The following MACROD2 variants were observed in gnomAD, a reference collection of about 807,000 sequenced individuals.
MACROD2 encodes the protein ADP-ribose glycohydrolase MACROD2.
In MACROD2, 36 loss-of-function variants were observed where a neutral mutation model predicts 70.4. The ratio of observed to expected loss-of-function variants is 0.51; its 90% confidence interval spans 0.39 to 0.68. The LOEUF (loss-of-function observed/expected upper bound fraction) is 0.68, where lower values mean the gene tolerates loss of function less well. Ranked by LOEUF, MACROD2 falls within the 30% of genes least tolerant of loss-of-function variation. The pLI, the probability that MACROD2 is intolerant of heterozygous loss-of-function variation, is 0.00. For missense variants in MACROD2, 496 were observed against 538.4 expected (o/e 0.92, Z 0.78); for synonymous variants, 172 against 178.8 (o/e 0.96, Z 0.30).
chr20:14,448,018 A>C (rs1203310215), intron 3 of MACROD2, among the ~76,000 whole-genome samples: 1 of 129,534 alleles, frequency 7.7e-6, no homozygotes, highest in Non-Finnish European at 1.8e-5. Flanking sequence ...CTGTGTCTGC[A>C]TGTGTGTATC....
chr20:15,824,599 C>T (rs1889108079), intron 8 of MACROD2, among the ~76,000 whole-genome samples: 1 of 152,180 alleles, frequency 6.6e-6, no homozygotes, highest in Non-Finnish European at 1.5e-5. Context: ...TATTCTTCTG[C>T]TTTGCTGAGT....
rs137926575 is a variant in MACROD2 at position 15,759,958 on chromosome 20, C to T, written c.646-102787C>T. Among the ~76,000 whole-genome samples, 707 of 152,182 alleles carry T rather than the reference C, an allele frequency of 4.6e-3. 3 individuals carry two copies. Among genetic ancestry groups the T allele is most frequent in the African/African-American group, 0.015 (615 of 41,520 alleles). On this transcript the variant is annotated intron_variant, in intron 8 of 17. Coordinates refer to ENST00000684519, the MANE Select transcript of MACROD2 (RefSeq NM_001351661.2). ...CAAGAGGAGAACTGAATTTTTGCCG[C>T]GTAAAGCTTCAGAAAAGTGCAAATA...
intron 4 of MACROD2, among the ~76,000 whole-genome samples, chr20:14,501,983 T>G (rs1255909236): frequency 6.6e-6 from 1 of 152,220 alleles, no homozygotes; most frequent in Admixed American, 6.5e-5. Flanking sequence ...GCTTATCTAC[T>G]TGCGTTAAAG....
rs1401430151 is a variant in MACROD2, at chr20:15,117,125, T to C, written c.419-112815T>C. 2.0e-5 allele frequency among the ~76,000 whole-genome samples: 3 copies of C among 152,146 alleles called. No individual in the cohort carries two copies. In the East Asian group the frequency reaches 5.8e-4, roughly 29 times the overall value. On this transcript the variant is annotated intron_variant, in intron 5 of 17. Coordinates refer to ENST00000684519, the MANE Select transcript of MACROD2 (RefSeq NM_001351661.2). The stretch of plus-strand genomic sequence containing the variant: ...CCTTAATAAACAACATTCAACACTG[T>C]TAAAGTTGGGAACAAGTTTGAGGTA...
At chr20:14,627,201 C>T (rs1984224666) in intron 4 of MACROD2, 1 of 152,180 alleles carries the variant, frequency 6.6e-6, no homozygotes, top group East Asian at 1.9e-4. Flanking sequence ...CTCGATATCC[C>T]CTACAGAAAT....
chr20:15,933,520 A>G (rs1409748643), intron 11 of MACROD2, 182 bp downstream of exon 11: 2 of 523,202 alleles, frequency 3.8e-6, no homozygotes, highest in Admixed American at 3.4e-5. Flanking sequence ...GCTTTCAAAC[A>G]GAGTGGCACA....
chr20:14,979,668 C>A (rs908738304), intron 5 of MACROD2, among the ~76,000 whole-genome samples: 4 of 152,098 alleles, frequency 2.6e-5, no homozygotes, highest in Admixed American at 2.6e-4. Context: ...GTTTTTTTTA[C>A]CAAATGCCAA....
chr20:15,810,650 C>T (rs1319179721), intron 8 of MACROD2, among the ~76,000 whole-genome samples: 5 of 152,174 alleles, frequency 3.3e-5, no homozygotes, highest in South Asian at 4.1e-4. Context: ...GCCAAAAGAA[C>T]GAAGCTGGAG....
intron 4 of MACROD2, among the ~76,000 whole-genome samples, chr20:14,656,710 C>T (rs1439737216): frequency 6.6e-6 from 1 of 152,114 alleles, no homozygotes; most frequent in East Asian, 1.9e-4. Flanking sequence ...TCGCGTCAGA[C>T]CAGTGACTAT....
chr20:14,123,633 A>G (rs990901958), intron 3 of MACROD2, among the ~76,000 whole-genome samples: 1 of 152,188 alleles, frequency 6.6e-6, no homozygotes, highest in Non-Finnish European at 1.5e-5. Flanking sequence ...TAGAAAATCA[A>G]ATCTCGTATC....
chr20:14,275,035 A>T (rs73612346), intron 3 of MACROD2, among the ~76,000 whole-genome samples: 1 of 152,204 alleles, frequency 6.6e-6, no homozygotes, highest in African/African-American at 2.4e-5. Flanking sequence ...ATGCTCATGG[A>T]TAGGAAGAAT....
In MACROD2 at chr20:14,579,268, A is replaced by G. The variant is rs532682268; in HGVS notation, c.301+85760A>G. 6.4e-4 allele frequency among the ~76,000 whole-genome samples: 96 copies of G among 149,588 alleles called. 2 individuals carry two copies. In the South Asian group the frequency reaches 0.019, roughly 30 times the overall value. ...GCCATTCTCCTGCCTCAGCCTCCCCAGTAGCTGGGACTACAGGCGCCCGCC... is the reference window on the plus strand; with the variant it reads ...GCCATTCTCCTGCCTCAGCCTCCCCGGTAGCTGGGACTACAGGCGCCCGCC... On this transcript the variant is annotated intron_variant, in intron 4 of 17. Coordinates refer to ENST00000684519, the MANE Select transcript of MACROD2 (RefSeq NM_001351661.2).
chr20:15,473,488 A>G (rs2046985087), intron 7 of MACROD2, among the ~76,000 whole-genome samples: 1 of 152,204 alleles, frequency 6.6e-6, no homozygotes, highest in Non-Finnish European at 1.5e-5. Flanking sequence ...TTTATCATCT[A>G]TCAGGGAGTA....
chr20:14,794,883 A>C (rs909626799), intron 5 of MACROD2, among the ~76,000 whole-genome samples: 18 of 152,076 alleles, frequency 1.2e-4, no homozygotes, highest in Non-Finnish European at 2.2e-4. Flanking sequence ...AGGGAAAAAA[A>C]CTGAGTTATT....
chr20:14,846,550 C>G (rs1035771830), intron 5 of MACROD2, among the ~76,000 whole-genome samples: 27 of 151,784 alleles, frequency 1.8e-4, no homozygotes, highest in African/African-American at 6.5e-4. Context: ...CGGAGTCTCC[C>G]TCTCTCACCC....
chr20:15,754,470 A>G (rs1426135015), intron 8 of MACROD2, among the ~76,000 whole-genome samples: 1 of 152,040 alleles, frequency 6.6e-6, no homozygotes, highest in Non-Finnish European at 1.5e-5. Context: ...TAAAAATACA[A>G]AAATTAGCTG....
intron 8 of MACROD2, among the ~76,000 whole-genome samples, chr20:15,734,125 A>G (rs1452561323): frequency 6.6e-6 from 1 of 152,180 alleles, no homozygotes; most frequent in Non-Finnish European, 1.5e-5. Context: ...TGAAGGAGGA[A>G]TAGGAGTTTG....
intron 3 of MACROD2, among the ~76,000 whole-genome samples, chr20:14,444,852 T>C (rs1047785385): frequency 6.6e-6 from 1 of 152,010 alleles, no homozygotes; most frequent in African/African-American, 2.4e-5. Context: ...TATATATGTG[T>C]GTGTGTGTAT....
intron 2 of MACROD2, among the ~76,000 whole-genome samples, chr20:14,080,473 T>C (rs2053976618): frequency 7.1e-6 from 1 of 139,972 alleles, no homozygotes; most frequent in South Asian, 2.3e-4. Flanking sequence ...AAATCTAATC[T>C]GAGATTCCTC....
Sources: allele counts gnomAD v4.1 joint callset (sites outside exome capture counted in the v4.1 genomes callset), GRCh38; gene constraint gnomAD v4.1.1; transcripts MANE v1.5; gene names NCBI Gene and HGNC (gene_info 2026-07-23, HGNC 2026-07-21).